The following SLC38A7 variants were observed in gnomAD, a reference collection of about 807,000 sequenced individuals.
The protein encoded by SLC38A7 is sodium-coupled neutral amino acid transporter 7.
Under a neutral mutation model 50.1 loss-of-function variants are expected in SLC38A7, and 29 were observed. That is an observed-to-expected ratio of 0.58 (90% CI 0.43 to 0.79). SLC38A7 has a LOEUF of 0.79. Among genes scored for constraint, SLC38A7 ranks in the 30% least tolerant of loss-of-function variants. The probability of loss-of-function intolerance (pLI) is 0.00; values close to 1 mark genes in which losing one functional copy is unlikely to be tolerated. For missense variants in SLC38A7, 483 were observed against 610.6 expected, an observed-to-expected ratio of 0.79 and a Z score of 2.20; for synonymous variants, 244 against 245.9, an observed-to-expected ratio of 0.99 and a Z score of 0.07.
At chr16:58,672,072 C>T (rs751265593) in intron 9 of SLC38A7, 24 bp downstream of exon 9, 1 of 1,546,366 alleles carries the variant, frequency 6.5e-7, no homozygotes, top group South Asian at 1.2e-5. Context: ...TAGGAGGGGC[C>T]CTGGGGAGTG....
At chr16:58,676,481 G>C in intron 6 of SLC38A7, 135 bp from the exon 7 acceptor site, 1 of 892,336 alleles carries the variant, frequency 1.1e-6, no homozygotes, top group African/African-American at 1.6e-5. Flanking sequence ...ACAGAAGTCT[G>C]GGAACAGGGA....
Position 58,678,544 on chromosome 16 carries a change from C to T in SLC38A7, c.470-70G>A. On this transcript the variant is annotated intron_variant, in intron 4 of 11. Coordinates refer to ENST00000219320, the MANE Select transcript of SLC38A7 (RefSeq NM_018231.3). The surrounding 1 kb of genome is among the most constrained non-coding windows in gnomAD (Gnocchi z 4.0). ...GGTGTGGCCCTCCTGCTCTGCTGGG[C>T]CCCAGGACCTCCCTCTGCCTGGAGG... The T allele has an allele frequency of 6.4e-7, 1 of 1,552,918 alleles. No homozygotes were observed. Among genetic ancestry groups the T allele is most frequent in the South Asian group, 1.2e-5 (1 of 81,326 alleles).
chr16:58,677,421 G>A lies in SLC38A7; in HGVS notation c.615C>T (p.Phe205=). The change falls in exon 6 of 12, where the codon TTC becomes TTT. Residue 205 remains phenylalanine, a synonymous_variant. Transcript: ENST00000219320. Reference sequence around the variant, plus strand: ...CGTACCAGGTACCCACGACGCTCAGGAAGCTGCCGGGAAGGAGAGACTAAG... The same window carrying A: ...CGTACCAGGTACCCACGACGCTCAGAAAGCTGCCGGGAAGGAGAGACTAAG... ...REIGFQKYAS[F]LSVVGTWYVT... The A allele has an allele frequency of 1.9e-6, 3 of 1,614,068 alleles. No individual in the cohort carries two copies. Among genetic ancestry groups the A allele is most frequent in the Non-Finnish European group, 2.5e-6 (3 of 1,179,950 alleles).
chr16:58,682,469 A>T (rs191400167), intron 2 of SLC38A7, among the ~76,000 whole-genome samples: 1 of 151,980 alleles, frequency 6.6e-6, no homozygotes, highest in African/African-American at 2.4e-5. Context: ...TTTAGTCTTT[A>T]TTTATTTAGA....
chr16:58,667,034 A>T lies in SLC38A7; in HGVS notation c.*351T>A. 1 of 361,720 alleles carries T rather than the reference A, an allele frequency of 2.8e-6. No homozygotes were observed. Among genetic ancestry groups the T allele is most frequent in the South Asian group, 5.8e-5 (1 of 17,162 alleles). 22.4% of individuals were successfully genotyped at this position (361,720 alleles called of 1,614,324 possible). ...GGATGGTGGCCTTCTGTCCATAGTC[A>T]TTCTCCAGAGGGAAGTCAGACTGGA... On this transcript the variant is annotated 3_prime_UTR_variant, in exon 12 of 12. Transcript: ENST00000219320.
chr16:58,677,941 C>T (rs2044304085), intron 5 of SLC38A7, among the ~76,000 whole-genome samples: 3 of 152,026 alleles, frequency 2.0e-5, no homozygotes, highest in African/African-American at 7.2e-5. Flanking sequence ...AGACAGGAAA[C>T]CAGTCTCCTT....
intron 9 of SLC38A7, chr16:58,671,783 G>C: frequency 4.2e-6 from 1 of 237,814 alleles, no homozygotes; most frequent in Non-Finnish European, 8.2e-6. Context: ...TTGCCCAGGT[G>C]GTCTTGAACT....
At chr16:58,670,739 AAAG>A (rs1352732203) in intron 10 of SLC38A7, among the ~76,000 whole-genome samples, 1 of 152,248 alleles carries the variant, frequency 6.6e-6, no homozygotes, top group Non-Finnish European at 1.5e-5. Context: ...TGAATGGTTA[AAAG>A]AATAGACTCT....
At chr16:58,679,803 G>A in intron 3 of SLC38A7, 54 bp downstream of exon 3, 2 of 1,607,626 alleles carry the variant, frequency 1.2e-6, no homozygotes, top group Non-Finnish European at 1.7e-6. Context: ...CCTCCCTTTT[G>A]AGGCAAAGCG....
chr16:58,683,404 T>C (rs1203050883), intron 2 of SLC38A7, among the ~76,000 whole-genome samples: 1 of 152,134 alleles, frequency 6.6e-6, no homozygotes. Context: ...GTTCATGTGC[T>C]CTCAGCCATC....
chr16:58,665,522 CA>C lies in SLC38A7; in HGVS notation c.*1862del, dbSNP rs1419085243. 1 of 152,744 alleles carries C rather than the reference CA, an allele frequency of 6.5e-6. No individual in the cohort carries two copies. The highest frequency in any genetic ancestry group is 1.5e-5 in the Non-Finnish European group (1 of 68,510). 9.5% of individuals were successfully genotyped at this position (152,744 alleles called of 1,614,324 possible). A position where few individuals can be genotyped will look rare whatever the true frequency, so the allele number is the denominator to read the frequency against. The stretch of plus-strand genomic sequence containing the variant: ...TCTGGGGACTGGACAGAGGCCCAGC[CA>C]GCCTCCAACCAGCTTCTGCTTCTTA... On this transcript the variant is annotated 3_prime_UTR_variant, in exon 12 of 12. Transcript: ENST00000219320.
In SLC38A7 at chr16:58,670,179, G is replaced by A. The variant is rs2044132731; in HGVS notation, c.1232-12C>T. 6.2e-7 allele frequency: 1 copy of A among 1,614,056 alleles called. No homozygotes were observed. Among genetic ancestry groups the A allele is most frequent in the Non-Finnish European group, 8.5e-7 (1 of 1,179,930 alleles). ...AATGAGGCACAGCCCTGAAAGAGAA[G>A]AAGTGGCCCTGAGCATTTGTGAGGG... On this transcript the variant is annotated splice_polypyrimidine_tract_variant and intron_variant, in intron 10 of 11. Coordinates refer to ENST00000219320, the MANE Select transcript of SLC38A7 (RefSeq NM_018231.3).
intron 9 of SLC38A7, 60 bp from the exon 10 acceptor site, chr16:58,671,304 C>A (rs2152075626): frequency 1.3e-6 from 2 of 1,545,970 alleles, no homozygotes; most frequent in African/African-American, 1.4e-5. Context: ...CCACCTCTAG[C>A]TCACAGGAGC....
At chr16:58,679,533 T>A (rs1373428576) in intron 3 of SLC38A7, 1 of 526,346 alleles carries the variant, frequency 1.9e-6, no homozygotes, top group Admixed American at 3.6e-5. Context: ...ATATAAGCTA[T>A]CATATCATTT....
At chr16:58,677,294 T>G in intron 6 of SLC38A7, 32 bp downstream of exon 6, 1 of 1,595,770 alleles carries the variant, frequency 6.3e-7, no homozygotes. Context: ...TGGTGGCTTC[T>G]TCCCCATGTC....
Position 58,677,440 on chromosome 16 carries a change from G to A in SLC38A7, c.612-16C>T. On this transcript the variant is annotated splice_polypyrimidine_tract_variant and intron_variant, in intron 5 of 11. Transcript: ENST00000219320. ...GCTCAGGAAGCTGCCGGGAAGGAGA[G>A]ACTAAGTGTCCTCATCCCCAGCTGC... The A allele has an allele frequency of 1.9e-6, 3 of 1,611,892 alleles. No homozygotes were observed. Among genetic ancestry groups the A allele is most frequent in the African/African-American group, 1.3e-5 (1 of 75,002 alleles).
Position 58,675,935 on chromosome 16 carries a change from C to T in SLC38A7, c.883+5G>A, listed in dbSNP as rs777967576. 3.1e-6 allele frequency: 5 copies of T among 1,601,500 alleles called. No homozygotes were observed. The highest frequency in any genetic ancestry group is 1.7e-4 in the Middle Eastern group (1 of 6,010). Reference sequence around the variant, plus strand: ...TCCCAGGTCTTGGGGGGGGGGAGCACTCACCTGTCCCCATGTAGACAGCGA... The same window carrying T: ...TCCCAGGTCTTGGGGGGGGGGAGCATTCACCTGTCCCCATGTAGACAGCGA... On this transcript the variant is annotated splice_donor_5th_base_variant and intron_variant, in intron 8 of 11. Transcript: ENST00000219320.
chr16:58,672,460 A>G (rs938131516), intron 8 of SLC38A7, among the ~76,000 whole-genome samples: 14 of 152,082 alleles, frequency 9.2e-5, no homozygotes, highest in African/African-American at 2.7e-4. Context: ...CAGCTTTCTG[A>G]GCCTGAACTT....
Position 58,671,154 on chromosome 16 carries a change from C to A in SLC38A7, c.1122G>T (p.Thr374=). ...GCAGGGTGAGCAGGAACCAGACCAGCGTCTGCAGCACTCGCCGCCGCCGCT... is the reference window on the plus strand; with the variant it reads ...GCAGGGTGAGCAGGAACCAGACCAGAGTCTGCAGCACTCGCCGCCGCCGCT... ...GRERRRRVLQ[T]LVWFLLTLLL... is the part of the protein sequence containing the mutation. The change falls in exon 10 of 12, where the codon ACG becomes ACT. Residue 374 remains threonine, a synonymous_variant. Coordinates refer to ENST00000219320, the MANE Select transcript of SLC38A7 (RefSeq NM_018231.3). The A allele has an allele frequency of 6.2e-7, 1 of 1,613,950 alleles. No individual in the cohort carries two copies.
Sources: allele counts gnomAD v4.1 joint callset (sites outside exome capture counted in the v4.1 genomes callset), GRCh38; gene constraint gnomAD v4.1.1; non-coding constraint Gnocchi (gnomAD v3.1); transcripts MANE v1.5; gene names NCBI Gene and HGNC (gene_info 2026-07-23, HGNC 2026-07-21).